Variants in NOS1AP observed in about 807,000 individuals in gnomAD.
NOS1AP encodes the protein carboxyl-terminal PDZ ligand of neuronal nitric oxide synthase protein.
In NOS1AP, 21 loss-of-function variants were observed where a neutral mutation model predicts 56.2. That is an observed-to-expected ratio of 0.37 (90% CI 0.26 to 0.54). The LOEUF (loss-of-function observed/expected upper bound fraction) is 0.54. Among genes scored for constraint, NOS1AP ranks in the 20% least tolerant of loss-of-function variants. The pLI is 0.84. For synonymous variants in NOS1AP, 270 were observed against 274.6 expected (o/e 0.98, Z 0.17); for missense variants, 522 against 657.8 (o/e 0.79, Z 2.26).
chr1:162,179,648 G>A (rs749115968), intron 2 of NOS1AP, among the ~76,000 whole-genome samples: 1 of 152,340 alleles, frequency 6.6e-6, no homozygotes, highest in South Asian at 2.1e-4. Context: ...GCTTCACAGA[G>A]GCTGTGATCC....
chr1:162,345,559 G>T (rs1019995963), intron 6 of NOS1AP, among the ~76,000 whole-genome samples: 2 of 152,182 alleles, frequency 1.3e-5, no homozygotes, highest in African/African-American at 4.8e-5. Context: ...TACGTTAACA[G>T]ATGACAAATC....
At chr1:162,235,586 A>G (rs944787217) in intron 2 of NOS1AP, among the ~76,000 whole-genome samples, 2 of 152,016 alleles carry the variant, frequency 1.3e-5, no homozygotes, top group Admixed American at 6.5e-5. Flanking sequence ...AACATGCTGC[A>G]TGGGGAGATC....
At chr1:162,299,987 ACC>A (rs1655589293) in intron 3 of NOS1AP, among the ~76,000 whole-genome samples, 1 of 151,880 alleles carries the variant, frequency 6.6e-6, no homozygotes, top group African/African-American at 2.4e-5. Flanking sequence ...TCCACTGTAT[ACC>A]CCTTGCGCTT....
At chr1:162,169,263 A>G (rs1376147683) in intron 2 of NOS1AP, among the ~76,000 whole-genome samples, 1 of 152,176 alleles carries the variant, frequency 6.6e-6, no homozygotes. Flanking sequence ...TTTCTCTTTT[A>G]CAGAAATCCT....
intron 2 of NOS1AP, among the ~76,000 whole-genome samples, chr1:162,254,186 A>G (rs1054288530): frequency 1.3e-5 from 2 of 152,204 alleles, no homozygotes; most frequent in Non-Finnish European, 2.9e-5. Flanking sequence ...GGTCTTGACT[A>G]TAGTAGATTC....
intron 2 of NOS1AP, among the ~76,000 whole-genome samples, chr1:162,272,601 C>CG (rs1654617073): frequency 6.6e-6 from 1 of 152,160 alleles, no homozygotes; most frequent in Non-Finnish European, 1.5e-5. Flanking sequence ...CAGCTGCCAC[C>CG]CTGCAGGCCT....
intron 1 of NOS1AP, among the ~76,000 whole-genome samples, chr1:162,139,028 C>G (rs972313814): frequency 5.9e-5 from 9 of 152,306 alleles, no homozygotes; most frequent in African/African-American, 2.2e-4. Context: ...TTGCTTCTTA[C>G]ACCTGAGTAA....
chr1:162,241,288 C>T (rs1297450742), intron 2 of NOS1AP, among the ~76,000 whole-genome samples: 4 of 152,118 alleles, frequency 2.6e-5, no homozygotes, highest in African/African-American at 9.7e-5. Context: ...TAGCATGTGC[C>T]AGGCGCAGAG....
At chr1:162,251,323 G>A (rs1034712206) in intron 2 of NOS1AP, among the ~76,000 whole-genome samples, 4 of 151,966 alleles carry the variant, frequency 2.6e-5, no homozygotes, top group South Asian at 2.1e-4. Context: ...TCAAATTCCC[G>A]CAGCCCCTGA....
chr1:162,217,356 T>C (rs1571136185), intron 2 of NOS1AP, among the ~76,000 whole-genome samples: 1 of 145,704 alleles, frequency 6.9e-6, no homozygotes, highest in Admixed American at 7.0e-5. Flanking sequence ...CTCTGCCTCC[T>C]GGGTTCAAGC....
chr1:162,336,708 C>G (rs1320613691), intron 5 of NOS1AP, among the ~76,000 whole-genome samples: 3 of 152,232 alleles, frequency 2.0e-5, no homozygotes, highest in Non-Finnish European at 4.4e-5. Flanking sequence ...ACGCTAAACC[C>G]TATTACACAA....
chr1:162,234,106 T>A (rs10800366), intron 2 of NOS1AP, among the ~76,000 whole-genome samples: 1 of 151,954 alleles, frequency 6.6e-6, no homozygotes, highest in Non-Finnish European at 1.5e-5. Flanking sequence ...AGGCAGAATG[T>A]GATTGGGCCC....
chr1:162,082,051 A>T (rs1691907249), intron 1 of NOS1AP, among the ~76,000 whole-genome samples: 1 of 151,668 alleles, frequency 6.6e-6, no homozygotes, highest in South Asian at 2.1e-4. Context: ...TAAACCTAGG[A>T]CTCATTCGTT....
intron 1 of NOS1AP, among the ~76,000 whole-genome samples, chr1:162,139,947 C>A (rs541238069): frequency 6.6e-6 from 1 of 152,116 alleles, no homozygotes; most frequent in African/African-American, 2.4e-5. Context: ...CATGCCTCAG[C>A]CTCCTGAATA....
At chr1:162,140,873 C>A (rs891300230) in intron 1 of NOS1AP, among the ~76,000 whole-genome samples, 7 of 152,196 alleles carry the variant, frequency 4.6e-5, no homozygotes, top group South Asian at 2.1e-4. Flanking sequence ...ACTGTGGTTT[C>A]GATTCGCATT....
chr1:162,133,750 C>T (rs1325865913), intron 1 of NOS1AP, among the ~76,000 whole-genome samples: 1 of 152,196 alleles, frequency 6.6e-6, no homozygotes, highest in African/African-American at 2.4e-5. Context: ...TTATTGTCTG[C>T]CTTGAGAAGC....
chr1:162,294,164 G>A (rs562997278), intron 3 of NOS1AP, among the ~76,000 whole-genome samples: 2 of 150,100 alleles, frequency 1.3e-5, no homozygotes, highest in East Asian at 4.0e-4. Context: ...AAGAAGGAAG[G>A]AAGGCAGGTA....
In NOS1AP at chr1:162,369,278, T is replaced by A. The variant is rs1308397558; in HGVS notation, c.*1811T>A. 1 of 152,210 alleles carries A rather than the reference T, an allele frequency of 6.6e-6. No homozygotes were observed. The highest frequency in any genetic ancestry group is 1.5e-5 in the Non-Finnish European group (1 of 68,038). The allele number at this position is 152,210 out of a possible 1,614,324, so 9.4% of individuals were successfully genotyped here. A position where few individuals can be genotyped will look rare whatever the true frequency, so the allele number is the denominator to read the frequency against. ...GTTTTGTTTTGATCTAATTTGCCATTGGAAATAGGTACAGTTACACAGAGA... is the reference window on the plus strand; with the variant it reads ...GTTTTGTTTTGATCTAATTTGCCATAGGAAATAGGTACAGTTACACAGAGA... On this transcript the variant is annotated 3_prime_UTR_variant, in exon 10 of 10. Transcript: ENST00000361897.
intron 2 of NOS1AP, among the ~76,000 whole-genome samples, chr1:162,244,771 GACAA>G (rs1430497021): frequency 1.3e-5 from 2 of 152,206 alleles, no homozygotes; most frequent in African/African-American, 2.4e-5. Context: ...GTCCAGTTGT[GACAA>G]ACAAAAATTT....
Sources: allele counts gnomAD v4.1 joint callset (sites outside exome capture counted in the v4.1 genomes callset), GRCh38; gene constraint gnomAD v4.1.1; transcripts MANE v1.5; gene names NCBI Gene and HGNC (gene_info 2026-07-23, HGNC 2026-07-21).